COX7B2: variants seen among roughly 807,000 people sequenced by gnomAD.
COX7B2 encodes the protein cytochrome c oxidase subunit 7B2, also known as cytochrome c oxidase subunit 7B2, mitochondrial.
For missense variants in COX7B2, 109 were observed against 95.9 expected, an observed-to-expected ratio of 1.14 and a Z score of -0.57; for synonymous variants, 37 against 32.1, an observed-to-expected ratio of 1.15 and a Z score of -0.51.
chr4:46,737,417 TC>T (rs1714433963), intron 2 of COX7B2, among the ~76,000 whole-genome samples: 1 of 152,168 alleles, frequency 6.6e-6, no homozygotes. Context: ...TAAGGAATTA[TC>T]TTTTTATTCT....
intron 2 of COX7B2, among the ~76,000 whole-genome samples, chr4:46,809,611 C>A (rs994236874): frequency 6.6e-6 from 1 of 151,782 alleles, no homozygotes; most frequent in Non-Finnish European, 1.5e-5. Context: ...TAGTTTCATA[C>A]AATTAGTGTC....
In COX7B2 at chr4:46,741,266, G is replaced by A. The variant is rs557915535; in HGVS notation, c.-49-6025C>T. The stretch of plus-strand genomic sequence containing the variant: ...AAGAAGGCATTAAGGGGTATATCAG[G>A]GTTTCCCAATCTGGATACAACTGAT... On this transcript the variant is annotated intron_variant, in intron 2 of 2. Transcript: ENST00000355591. Among the ~76,000 whole-genome samples the A allele has an allele frequency of 2.6e-5, 4 of 151,968 alleles. No individual in the cohort carries two copies. The East Asian group carries it at 7.7e-4, about 29-fold the overall frequency.
chr4:46,819,294 T>C (rs780567492), intron 2 of COX7B2, among the ~76,000 whole-genome samples: 1 of 152,160 alleles, frequency 6.6e-6, no homozygotes, highest in Non-Finnish European at 1.5e-5. Flanking sequence ...ATTCATTCCC[T>C]CTACAGAGGT....
intron 1 of COX7B2, among the ~76,000 whole-genome samples, chr4:46,861,566 G>A (rs1266340439): frequency 6.6e-6 from 1 of 152,134 alleles, no homozygotes; most frequent in Non-Finnish European, 1.5e-5. Context: ...CATTGCTCAG[G>A]TCTAGTACAA....
intron 2 of COX7B2, among the ~76,000 whole-genome samples, chr4:46,807,238 G>C (rs1461759819): frequency 1.3e-5 from 2 of 151,724 alleles, no homozygotes; most frequent in Non-Finnish European, 3.0e-5. Flanking sequence ...TCTCATAGTG[G>C]TGTCAATTTT....
At chr4:46,796,190 A>G (rs2109604193) in intron 2 of COX7B2, among the ~76,000 whole-genome samples, 1 of 142,214 alleles carries the variant, frequency 7.0e-6, no homozygotes, top group South Asian at 2.2e-4. Context: ...AATACCCTTT[A>G]TTTCCTTCTC....
chr4:46,876,036 G>A (rs1041653274), intron 1 of COX7B2, among the ~76,000 whole-genome samples: 3 of 152,042 alleles, frequency 2.0e-5, no homozygotes, highest in African/African-American at 4.8e-5. Flanking sequence ...TAAAACAATT[G>A]AAGACATGAA....
At chr4:46,761,252 T>C (rs915842335) in intron 2 of COX7B2, among the ~76,000 whole-genome samples, 7 of 152,300 alleles carry the variant, frequency 4.6e-5, no homozygotes, top group Non-Finnish European at 8.8e-5. Flanking sequence ...GTTCTATCTG[T>C]ACAACCTACT....
intron 2 of COX7B2, among the ~76,000 whole-genome samples, chr4:46,750,272 T>C (rs1715288279): frequency 1.3e-5 from 2 of 149,730 alleles, no homozygotes; most frequent in Non-Finnish European, 3.0e-5. Flanking sequence ...CACATGCCTG[T>C]AGTCCTAGCT....
chr4:46,846,421 T>C (rs527593109), intron 1 of COX7B2, among the ~76,000 whole-genome samples: 14 of 151,968 alleles, frequency 9.2e-5, no homozygotes, highest in Non-Finnish European at 1.6e-4. Flanking sequence ...TAAAGGACAC[T>C]TGGAACACAG....
intron 1 of COX7B2, among the ~76,000 whole-genome samples, chr4:46,906,200 C>A (rs572372338): frequency 5.5e-4 from 84 of 152,264 alleles, no homozygotes; most frequent in Middle Eastern, 6.8e-3. Flanking sequence ...AAGCTGGTGA[C>A]CTGCCCCTCA....
chr4:46,822,466 T>G lies in COX7B2; in HGVS notation c.-50+22494A>C, dbSNP rs74718578. Among the ~76,000 whole-genome samples, 598 of 152,220 alleles carry G rather than the reference T, an allele frequency of 3.9e-3. 7 individuals are homozygous for G. In the East Asian group the frequency reaches 0.047, roughly 12 times the overall value. ...GAGAGAAGTATCTATTTGTTGATTT[T>G]TTTCTTCCTCACATGACCTGGATGA... On this transcript the variant is annotated intron_variant, in intron 2 of 2. Coordinates refer to ENST00000355591, the MANE Select transcript of COX7B2 (RefSeq NM_130902.3).
At chr4:46,777,770 T>C (rs1717238864) in intron 2 of COX7B2, among the ~76,000 whole-genome samples, 2 of 152,160 alleles carry the variant, frequency 1.3e-5, no homozygotes, top group African/African-American at 4.8e-5. Context: ...TTGCAGCTGG[T>C]TCAGTCCTTA....
intron 2 of COX7B2, among the ~76,000 whole-genome samples, chr4:46,770,634 A>G (rs1452273396): frequency 6.7e-6 from 1 of 150,308 alleles, no homozygotes; most frequent in Admixed American, 6.7e-5. Context: ...TATATAGACC[A>G]CCCACTGGAA....
intron 2 of COX7B2, among the ~76,000 whole-genome samples, chr4:46,741,483 C>T (rs1714706342): frequency 1.3e-5 from 2 of 152,036 alleles, no homozygotes; most frequent in Non-Finnish European, 2.9e-5. Flanking sequence ...AGAACCACTG[C>T]TGTATATACA....
At chr4:46,906,377 C>T (rs1374952806) in intron 1 of COX7B2, among the ~76,000 whole-genome samples, 2 of 152,162 alleles carry the variant, frequency 1.3e-5, no homozygotes, top group African/African-American at 2.4e-5. Context: ...ATTGTACAGA[C>T]CTTGAATAGC....
At chr4:46,766,219 G>A (rs894646311) in intron 2 of COX7B2, among the ~76,000 whole-genome samples, 2 of 152,232 alleles carry the variant, frequency 1.3e-5, no homozygotes, top group African/African-American at 4.8e-5. Flanking sequence ...CCCATAAGGT[G>A]TAGGAATATA....
At chr4:46,871,510 C>A (rs990962275) in intron 1 of COX7B2, among the ~76,000 whole-genome samples, 8 of 151,876 alleles carry the variant, frequency 5.3e-5, no homozygotes, top group Non-Finnish European at 7.4e-5. Flanking sequence ...AAATTTAAAA[C>A]CTTCTGCACA....
chr4:46,763,502 T>C (rs1160965856), intron 2 of COX7B2, among the ~76,000 whole-genome samples: 1 of 151,860 alleles, frequency 6.6e-6, no homozygotes, highest in African/African-American at 2.4e-5. Context: ...GCACAAAACA[T>C]GGCCTCCCAT....
Sources: gnomAD v4.1 joint callset for allele counts (sites outside exome capture counted in the v4.1 genomes callset) on GRCh38, gnomAD v4.1.1 for gene constraint, MANE v1.5 for transcripts, NCBI Gene and HGNC (gene_info 2026-07-23, HGNC 2026-07-21) for gene names.